The following PRKAR1A variants were observed in gnomAD, a reference collection of about 807,000 sequenced individuals.
PRKAR1A encodes the protein cAMP-dependent protein kinase type I-alpha regulatory subunit.
Under a neutral mutation model 52.0 loss-of-function variants are expected in PRKAR1A, and 3 were observed. That is an observed-to-expected ratio of 0.06 (90% CI 0.03 to 0.15). PRKAR1A has a LOEUF of 0.15. Ranked by LOEUF, PRKAR1A falls within the 10% of genes least tolerant of loss-of-function variation. The pLI, the probability that PRKAR1A is intolerant of heterozygous loss-of-function variation, is 1.00. For synonymous variants in PRKAR1A, 188 were observed against 168.4 expected, an observed-to-expected ratio of 1.12 and a Z score of -0.90; for missense variants, 240 against 477.4, an observed-to-expected ratio of 0.50 and a Z score of 4.63.
At chr17:68,544,308 G>C (rs1600535140) in intron 11 of PRKAR1A, among the ~76,000 whole-genome samples, 1 of 152,104 alleles carries the variant, frequency 6.6e-6, no homozygotes, top group South Asian at 2.1e-4. Context: ...AGAGGATATT[G>C]ATTTATATAC....
At chr17:68,548,734 T>TA (rs2086688778) in intron 11 of PRKAR1A, among the ~76,000 whole-genome samples, 1 of 140,276 alleles carries the variant, frequency 7.1e-6, no homozygotes, top group Non-Finnish European at 1.6e-5. Flanking sequence ...TATTTTTTTT[T>TA]TTTTTTTTTT....
the PRKAR1A span, among the ~76,000 whole-genome samples, chr17:68,482,117 G>A: frequency 6.6e-6 from 1 of 152,216 alleles, no homozygotes; most frequent in African/African-American, 2.4e-5. Flanking sequence ...GGTCAGAGAC[G>A]ATGTCTCCAA....
At chr17:68,536,501 C>T (rs2086100239), downstream of PRKAR1A, 1 of 454,012 alleles carries the variant, frequency 2.2e-6, no homozygotes, top group African/African-American at 2.0e-5. Flanking sequence ...CAATAAAAAA[C>T]CTGACTTAGT....
upstream of PRKAR1A, chr17:68,512,412 G>A (rs544936277): frequency 6.5e-6 from 1 of 153,018 alleles, no homozygotes; most frequent in African/African-American, 2.4e-5. Flanking sequence ...GATTGGCTGC[G>A]GCCAGGCCGT....
intron 11 of PRKAR1A, among the ~76,000 whole-genome samples, chr17:68,550,461 A>G (rs1397142549): frequency 1.4e-5 from 2 of 139,130 alleles, no homozygotes; most frequent in African/African-American, 2.7e-5. Flanking sequence ...GCTCACCGCA[A>G]CCTCCTCCTC....
the PRKAR1A span, among the ~76,000 whole-genome samples, chr17:68,455,564 C>A: frequency 1.6e-4 from 24 of 152,094 alleles, no homozygotes; most frequent in African/African-American, 5.8e-4. Flanking sequence ...ATTTTAAAAT[C>A]CAATGTCATA....
chr17:68,497,184 T>G, the PRKAR1A span, among the ~76,000 whole-genome samples: 4 of 152,180 alleles, frequency 2.6e-5, no homozygotes, highest in African/African-American at 9.6e-5. Context: ...ACATAAAAAT[T>G]AGATGAAATT....
In PRKAR1A at chr17:68,527,969, G is replaced by C. The variant is rs1041471614; in HGVS notation, c.769+69G>C. Reference sequence around the variant, plus strand: ...CCTGAATTAGAATTGGATGGACTTGGGAAAAGCCTTCTGAAAGTATAATTG... The same window carrying C: ...CCTGAATTAGAATTGGATGGACTTGCGAAAAGCCTTCTGAAAGTATAATTG... On this transcript the variant is annotated intron_variant, in intron 8 of 10. Transcript: ENST00000589228. The C allele has an allele frequency of 8.1e-6, 11 of 1,366,014 alleles. No homozygotes were observed. In the African/African-American group the frequency reaches 1.6e-4, roughly 20 times the overall value. 84.6% of individuals were successfully genotyped at this position (1,366,014 alleles called of 1,614,324 possible). A position where few individuals can be genotyped will look rare whatever the true frequency, so the allele number is the denominator to read the frequency against.
chr17:68,481,200 G>A, the PRKAR1A span, among the ~76,000 whole-genome samples: 23 of 152,256 alleles, frequency 1.5e-4, no homozygotes, highest in East Asian at 3.1e-3. Context: ...CATTAAAACC[G>A]CAGTCCCCAA....
chr17:68,447,775 G>C, the PRKAR1A span, among the ~76,000 whole-genome samples: 5 of 151,972 alleles, frequency 3.3e-5, no homozygotes, highest in African/African-American at 1.2e-4. Context: ...GGTGGATCAC[G>C]AGGTCAGGAG....
chr17:68,415,271 T>G, the PRKAR1A span, among the ~76,000 whole-genome samples: 2 of 152,338 alleles, frequency 1.3e-5, no homozygotes, highest in South Asian at 4.1e-4. Context: ...TTGATTTCAT[T>G]TTTGACTCAA....
chr17:68,455,608 G>C, the PRKAR1A span, among the ~76,000 whole-genome samples: 1 of 152,144 alleles, frequency 6.6e-6, no homozygotes, highest in Non-Finnish European at 1.5e-5. Context: ...ACTGTGACAA[G>C]AACTTTTATT....
the PRKAR1A span, among the ~76,000 whole-genome samples, chr17:68,491,302 G>A: frequency 1.3e-5 from 2 of 152,078 alleles, no homozygotes; most frequent in Non-Finnish European, 2.9e-5. Flanking sequence ...AAGTTGGCCA[G>A]GCTGGTCTTG....
the PRKAR1A span, among the ~76,000 whole-genome samples, chr17:68,442,389 C>T: frequency 1.3e-5 from 2 of 149,576 alleles, no homozygotes; most frequent in African/African-American, 4.9e-5. Flanking sequence ...CACTTGAATC[C>T]GGGAGGCGAA....
At chr17:68,510,710 A>G (rs1166052267), upstream of PRKAR1A, among the ~76,000 whole-genome samples, 1 of 152,168 alleles carries the variant, frequency 6.6e-6, no homozygotes, top group Non-Finnish European at 1.5e-5. Context: ...TTTCTGATCA[A>G]CCCTGGAGAA....
intron 2 of PRKAR1A, among the ~76,000 whole-genome samples, chr17:68,521,965 T>C (rs1257945571): frequency 1.3e-5 from 2 of 152,260 alleles, no homozygotes; most frequent in African/African-American, 4.8e-5. Context: ...TAATAGTTTA[T>C]CTTAGGTTTT....
At chr17:68,489,716 A>C in the PRKAR1A span, among the ~76,000 whole-genome samples, 2 of 116,134 alleles carry the variant, frequency 1.7e-5, no homozygotes, top group Non-Finnish European at 3.9e-5. Context: ...ACACCCGGCA[A>C]ATTTTTTTTT....
chr17:68,434,461 C>T, the PRKAR1A span: 3 of 1,327,530 alleles, frequency 2.3e-6, no homozygotes, highest in Non-Finnish European at 3.1e-6. Context: ...GTGGAGGGCA[C>T]AGAGCCACTC....
chr17:68,498,129 C>T, the PRKAR1A span, among the ~76,000 whole-genome samples: 1 of 152,158 alleles, frequency 6.6e-6, no homozygotes, highest in Non-Finnish European at 1.5e-5. Context: ...TCATGCCACA[C>T]CTTTGCTAGC....
Sources: allele counts gnomAD v4.1 joint callset (sites outside exome capture counted in the v4.1 genomes callset), GRCh38; gene constraint gnomAD v4.1.1; transcripts MANE v1.5; gene names NCBI Gene and HGNC (gene_info 2026-07-23, HGNC 2026-07-21).